Variants in SLC15A2 observed in about 807,000 individuals in gnomAD.
SLC15A2 encodes the protein kidney H(+)/peptide cotransporter.
Under a neutral mutation model 95.5 loss-of-function variants are expected in SLC15A2, and 77 were observed. The ratio of observed to expected loss-of-function variants is 0.81; its 90% CI spans 0.67 to 0.97. SLC15A2 has a LOEUF of 0.97. SLC15A2 is among the 50% of genes least tolerant of loss of function. The pLI, the probability that SLC15A2 is intolerant of heterozygous loss-of-function variation, is 0.00. For synonymous variants in SLC15A2, 306 were observed against 306.9 expected, an observed-to-expected ratio of 1.00 and a Z score of 0.03; for missense variants, 893 against 874.4, an observed-to-expected ratio of 1.02 and a Z score of -0.27.
In SLC15A2 at chr3:121,929,292, T is replaced by C; in HGVS notation, c.1507-10T>C. ...CAGCTGTTACTGATTTTTACTTTCC[T>C]CTGTTGTAGGTAAAGGATACAGAAA... On this transcript the variant is annotated splice_polypyrimidine_tract_variant and intron_variant, in intron 16 of 21. Coordinates refer to ENST00000489711, the MANE Select transcript of SLC15A2 (RefSeq NM_021082.4). 6.2e-7 allele frequency: 1 copy of C among 1,613,758 alleles called. No homozygotes were observed. Among genetic ancestry groups the C allele is most frequent in the Non-Finnish European group, 8.5e-7 (1 of 1,179,766 alleles).
chr3:121,935,372 C>T (rs939800084), intron 19 of SLC15A2, among the ~76,000 whole-genome samples: 133 of 152,220 alleles, frequency 8.7e-4, no homozygotes, highest in African/African-American at 3.0e-3. Context: ...TGGTAGAATT[C>T]GGCTGTGAAT....
At chr3:121,929,214 T>C in intron 16 of SLC15A2, 68 bp downstream of exon 16, 3 of 1,602,658 alleles carry the variant, frequency 1.9e-6, no homozygotes, top group Non-Finnish European at 2.6e-6. Context: ...CATCAACATC[T>C]TACCAAGGAT....
At chr3:121,915,487 T>A (rs570980934) in intron 6 of SLC15A2, 129 bp from the exon 7 acceptor site, 2 of 809,894 alleles carry the variant, frequency 2.5e-6, no homozygotes, top group Non-Finnish European at 4.2e-6. Flanking sequence ...GATTAGGTGA[T>A]GGGAGGAAAG....
chr3:121,928,409 C>T lies in SLC15A2; in HGVS notation c.1207-12C>T. 1 of 1,611,586 alleles carries T rather than the reference C, an allele frequency of 6.2e-7. No homozygotes were observed. The highest frequency in any genetic ancestry group is 1.7e-5 in the Admixed American group (1 of 59,550). On this transcript the variant is annotated splice_polypyrimidine_tract_variant and intron_variant, in intron 14 of 21. Coordinates refer to ENST00000489711, the MANE Select transcript of SLC15A2 (RefSeq NM_021082.4). ...TTTGTTGGTGATTCTGACATGTGTT[C>T]TTTGCTCTAAGGAAATGGCCCCAGC...
chr3:121,901,385 A>C (rs925575285), intron 3 of SLC15A2, among the ~76,000 whole-genome samples: 1 of 152,188 alleles, frequency 6.6e-6, no homozygotes. Flanking sequence ...TAAATCTTCG[A>C]ATTCATAAAT....
At chr3:121,915,033 T>G in intron 5 of SLC15A2, 194 bp from the exon 6 acceptor site, 1 of 1,349,172 alleles carries the variant, frequency 7.4e-7, no homozygotes. Flanking sequence ...TGCTCTGGAG[T>G]TTGAAAGGTG....
chr3:121,938,669 A>T (rs1453587275), intron 19 of SLC15A2, among the ~76,000 whole-genome samples: 1 of 151,808 alleles, frequency 6.6e-6, no homozygotes, highest in African/African-American at 2.4e-5. Context: ...ACTGTCTGGC[A>T]CTCCCTAGTG....
chr3:121,940,752 C>T (rs922663243), intron 21 of SLC15A2, 79 bp from the exon 22 acceptor site: 2 of 1,454,472 alleles, frequency 1.4e-6, no homozygotes, highest in African/African-American at 2.8e-5. Context: ...GGTCAGTCTG[C>T]TCCCCACTCC....
chr3:121,907,412 C>T (rs1200266527), intron 3 of SLC15A2, among the ~76,000 whole-genome samples: 1 of 152,214 alleles, frequency 6.6e-6, no homozygotes, highest in African/African-American at 2.4e-5. Context: ...GAGCTGCGAT[C>T]CTTTGGAGGA....
rs1710477995 is a variant in SLC15A2 at position 121,942,364 on chromosome 3, A to G, written c.*1357A>G. 1 of 152,254 alleles carries G rather than the reference A, an allele frequency of 6.6e-6. No individual in the cohort carries two copies. Among genetic ancestry groups the G allele is most frequent in the Admixed American group, 6.5e-5 (1 of 15,288 alleles). The allele number at this position is 152,254 out of a possible 1,614,324, so 9.4% of individuals were successfully genotyped here. On this transcript the variant is annotated 3_prime_UTR_variant, in exon 22 of 22. Coordinates refer to ENST00000489711, the MANE Select transcript of SLC15A2 (RefSeq NM_021082.4). ...GAAAAAAGTTCAGAATCACTGTTCT[A>G]GAGAGCTTCATTTCCATTGGTTTTA...
chr3:121,927,692 C>T, intron 13 of SLC15A2, 66 bp from the exon 14 acceptor site: 1 of 1,186,932 alleles, frequency 8.4e-7, no homozygotes. Context: ...TAATAGGCTA[C>T]AGAGTTTGGA....
At chr3:121,910,475 G>A (rs2332051) in intron 3 of SLC15A2, among the ~76,000 whole-genome samples, 67,385 of 151,354 alleles carry the variant, frequency 0.45, 15,447 homozygotes, top group East Asian at 0.69. Flanking sequence ...GATTACAAGC[G>A]TGAGCCACCG....
At chr3:121,919,021 G>T (rs186688811) in intron 7 of SLC15A2, among the ~76,000 whole-genome samples, 2 of 152,308 alleles carry the variant, frequency 1.3e-5, no homozygotes, top group Non-Finnish European at 2.9e-5. Context: ...GTTGGGTGCG[G>T]CATCTAGACA....
chr3:121,928,236 C>T (rs754770470), intron 14 of SLC15A2, 185 bp from the exon 15 acceptor site: 9 of 648,744 alleles, frequency 1.4e-5, no homozygotes, highest in Non-Finnish European at 2.3e-5. Flanking sequence ...GTACTTGCTA[C>T]AATGAGCTGA....
intron 7 of SLC15A2, among the ~76,000 whole-genome samples, chr3:121,917,109 C>T (rs1709911055): frequency 6.6e-6 from 1 of 152,118 alleles, no homozygotes; most frequent in Non-Finnish European, 1.5e-5. Flanking sequence ...TGTGAGCCAC[C>T]ACGCCCAGCC....
At chr3:121,915,532 A>G (rs1320280270) in intron 6 of SLC15A2, 84 bp from the exon 7 acceptor site, 23 of 1,074,748 alleles carry the variant, frequency 2.1e-5, no homozygotes, top group Non-Finnish European at 3.3e-5. Context: ...GCTCAGGTTT[A>G]TTCAACAACC....
chr3:121,907,156 G>A (rs1314332283), intron 3 of SLC15A2, among the ~76,000 whole-genome samples: 1 of 152,060 alleles, frequency 6.6e-6, no homozygotes, highest in East Asian at 1.9e-4. Context: ...ATTGAAGCTT[G>A]TGCATGCATC....
At chr3:121,918,284 G>T (rs1274021143) in intron 7 of SLC15A2, among the ~76,000 whole-genome samples, 2 of 152,186 alleles carry the variant, frequency 1.3e-5, no homozygotes, top group Non-Finnish European at 1.5e-5. Context: ...TTAATGTAGT[G>T]TTCTGAACCT....
rs1190013085 is a variant in SLC15A2 at position 121,923,123 on chromosome 3, T to C, written c.951T>C (p.Asp317=). The C allele has an allele frequency of 6.2e-7, 1 of 1,614,006 alleles. No individual in the cohort carries two copies. Among genetic ancestry groups the C allele is most frequent in the Admixed American group, 1.7e-5 (1 of 60,014 alleles). The change falls in exon 10 of 22, where the codon GAT becomes GAC. Residue 317 remains aspartate, a synonymous_variant. Coordinates refer to ENST00000489711, the MANE Select transcript of SLC15A2 (RefSeq NM_021082.4). ...IPLPMFWALL[D]QQGSRWTLQA... Reference sequence around the variant, plus strand: ...TGCCCATGTTCTGGGCTCTTTTGGATCAGCAGGTAAGAATAGTTCTTTTGG... The same window carrying C: ...TGCCCATGTTCTGGGCTCTTTTGGACCAGCAGGTAAGAATAGTTCTTTTGG...
Sources: allele counts gnomAD v4.1 joint callset (sites outside exome capture counted in the v4.1 genomes callset), GRCh38; gene constraint gnomAD v4.1.1; transcripts MANE v1.5; gene names NCBI Gene and HGNC (gene_info 2026-07-23, HGNC 2026-07-21).